PPIL6: variants seen among roughly 807,000 people sequenced by gnomAD.
PPIL6 encodes probable inactive peptidyl-prolyl cis-trans isomerase-like 6.
A neutral mutation model predicts 36.8 loss-of-function variants in PPIL6; 39 were observed. The ratio of observed to expected loss-of-function variants is 1.06; its 90% CI spans 0.82 to 1.38. PPIL6 has a LOEUF of 1.38. Ranked by LOEUF, PPIL6 falls within the 40% of genes most tolerant of loss-of-function variation. The probability of loss-of-function intolerance (pLI) is 0.00; values close to 1 mark genes in which losing one functional copy is unlikely to be tolerated. For synonymous variants in PPIL6, 123 were observed against 134.1 expected (o/e 0.92, Z 0.57); for missense variants, 368 against 379.1 (o/e 0.97, Z 0.24).
At chr6:109,433,288 C>G (rs1372851127) in intron 2 of PPIL6, among the ~76,000 whole-genome samples, 1 of 152,042 alleles carries the variant, frequency 6.6e-6, no homozygotes, top group African/African-American at 2.4e-5. Flanking sequence ...AACTCCTGAC[C>G]TCAGGTGATC....
chr6:109,400,943 T>C (rs952926425), intron 6 of PPIL6, among the ~76,000 whole-genome samples: 29 of 151,918 alleles, frequency 1.9e-4, no homozygotes, highest in African/African-American at 6.8e-4. Context: ...CACTGCAAGC[T>C]CCGCCTCCCG....
intron 2 of PPIL6, among the ~76,000 whole-genome samples, chr6:109,432,168 T>C (rs1228407796): frequency 2.0e-5 from 3 of 152,134 alleles, no homozygotes; most frequent in Non-Finnish European, 4.4e-5. Flanking sequence ...GGATAGGGGG[T>C]CCAGGTAAGA....
At chr6:109,435,296 C>CT (rs911840164) in intron 2 of PPIL6, among the ~76,000 whole-genome samples, 2,003 of 131,936 alleles carry the variant, frequency 0.015, 61 homozygotes, top group African/African-American at 0.043. Context: ...AAATGTTGCA[C>CT]TTTTTTTTTT....
At chr6:109,396,144 T>C (rs1367012231) in intron 7 of PPIL6, among the ~76,000 whole-genome samples, 1 of 152,222 alleles carries the variant, frequency 6.6e-6, no homozygotes, top group East Asian at 1.9e-4. Context: ...TGTCCACTTA[T>C]CACCTGCTCA....
chr6:109,431,291 C>T lies in PPIL6; in HGVS notation c.286G>A (p.Gly96Ser), dbSNP rs763017099. Reference protein sequence around the residue: ...YSSSVISFVNGQFLGDALDLQ... With the variant: ...YSSSVISFVNSQFLGDALDLQ... ...TCCAATGCATCACCCAGAAACTGAC[C>T]ATTAACAAAAGAAATCACAGAGGAA... Residue 96 changes from glycine to serine, a missense_variant, in exon 3 of 8, where the codon GGT becomes AGT. Coordinates refer to ENST00000521072, the MANE Select transcript of PPIL6 (RefSeq NM_173672.5). The T allele has an allele frequency of 6.2e-7, 1 of 1,600,560 alleles. No homozygotes were observed. Among genetic ancestry groups the T allele is most frequent in the Non-Finnish European group, 8.5e-7 (1 of 1,175,022 alleles).
In PPIL6 at chr6:109,430,721, G is replaced by A. The variant is rs958598960; in HGVS notation, c.420+436C>T. 4.6e-5 allele frequency among the ~76,000 whole-genome samples: 7 copies of A among 152,214 alleles called. No individual in the cohort carries two copies. The South Asian group carries it at 1.0e-3, about 23-fold the overall frequency. On this transcript the variant is annotated intron_variant, in intron 3 of 7. Transcript: ENST00000521072. ...ATTACAGGCATGAGCCACCGCGCCC[G>A]GCCTGTGTTCATGCTTTAAAATGTC...
intron 6 of PPIL6, chr6:109,402,910 AC>A (rs1252868321): frequency 3.0e-5 from 19 of 629,208 alleles, no homozygotes; most frequent in Admixed American, 6.9e-5. Flanking sequence ...GTAAGAAAGA[AC>A]CGTTTTAAAT....
rs192389492 is a variant in PPIL6 at position 109,437,686 on chromosome 6, C to G, written c.136-1487G>C. On this transcript the variant is annotated intron_variant, in intron 1 of 7. Transcript: ENST00000521072. The stretch of plus-strand genomic sequence containing the variant: ...TCTCCTACCTCAGCCTCCCAAGTAG[C>G]TGGGATTACAGGCACCCGCCACCAC... 2.4e-3 allele frequency among the ~76,000 whole-genome samples: 363 copies of G among 151,606 alleles called. 1 individual carries two copies. Among genetic ancestry groups the G allele is most frequent in the African/African-American group, 8.1e-3 (336 of 41,394 alleles).
intron 6 of PPIL6, among the ~76,000 whole-genome samples, chr6:109,414,227 A>G (rs1773139013): frequency 6.6e-6 from 1 of 152,154 alleles, no homozygotes; most frequent in African/African-American, 2.4e-5. Context: ...ATAAAGATAC[A>G]CACCTACTAT....
At chr6:109,395,909 C>G (rs997622493) in intron 7 of PPIL6, among the ~76,000 whole-genome samples, 4 of 149,372 alleles carry the variant, frequency 2.7e-5, no homozygotes, top group African/African-American at 9.9e-5. Context: ...GATCTCCGCT[C>G]ACTGCAAGCT....
intron 7 of PPIL6, among the ~76,000 whole-genome samples, chr6:109,398,657 T>A (rs1772398891): frequency 6.6e-6 from 1 of 152,228 alleles, no homozygotes; most frequent in Admixed American, 6.5e-5. Flanking sequence ...TAATAATAAC[T>A]ATTACCTGTG....
chr6:109,416,111 T>G (rs572391025), intron 6 of PPIL6, among the ~76,000 whole-genome samples: 1 of 152,254 alleles, frequency 6.6e-6, no homozygotes, highest in Non-Finnish European at 1.5e-5. Flanking sequence ...TAAACCCAAC[T>G]GCATTGGCAC....
intron 1 of PPIL6, among the ~76,000 whole-genome samples, chr6:109,437,780 G>A (rs1774536207): frequency 6.6e-6 from 1 of 151,960 alleles, no homozygotes; most frequent in Admixed American, 6.6e-5. Context: ...GTCTTGGCCA[G>A]GCTGGTCTTG....
At chr6:109,431,608 T>C (rs1774163349) in intron 2 of PPIL6, among the ~76,000 whole-genome samples, 1 of 152,186 alleles carries the variant, frequency 6.6e-6, no homozygotes, top group Admixed American at 6.5e-5. Context: ...AAAAAATTTA[T>C]CTGAGGAATG....
intron 1 of PPIL6, among the ~76,000 whole-genome samples, chr6:109,437,548 C>CTTTTT (rs71551374): frequency 0.034 from 3,340 of 97,720 alleles, 1 homozygote; most frequent in Non-Finnish European, 0.051. Flanking sequence ...TATTTCTTTT[C>CTTTTT]TTTTTTTTTT....
chr6:109,417,267 A>T (rs1773313726), intron 6 of PPIL6, among the ~76,000 whole-genome samples: 1 of 151,998 alleles, frequency 6.6e-6, no homozygotes, highest in African/African-American at 2.4e-5. Context: ...AGCTTCTCCA[A>T]AAAATGGTCC....
chr6:109,421,700 C>T (rs1469232281), intron 5 of PPIL6, among the ~76,000 whole-genome samples: 4 of 152,090 alleles, frequency 2.6e-5, no homozygotes, highest in South Asian at 4.1e-4. Flanking sequence ...TGTTCTAGTT[C>T]TATTTGATAA....
At chr6:109,426,796 A>T in intron 5 of PPIL6, 51 bp downstream of exon 5, 2 of 1,223,904 alleles carry the variant, frequency 1.6e-6, no homozygotes, top group Non-Finnish European at 1.1e-6. Context: ...GAAAGTTTGG[A>T]CCTTCTCATT....
intron 6 of PPIL6, among the ~76,000 whole-genome samples, chr6:109,400,733 T>C (rs745839008): frequency 5.3e-4 from 81 of 152,250 alleles, no homozygotes; most frequent in Non-Finnish European, 9.1e-4. Context: ...AGCACATTAA[T>C]TGGCATAAAT....
Sources: allele counts gnomAD v4.1 joint callset (sites outside exome capture counted in the v4.1 genomes callset), GRCh38; gene constraint gnomAD v4.1.1; transcripts MANE v1.5; gene names NCBI Gene and HGNC (gene_info 2026-07-23, HGNC 2026-07-21).